The following ARMH3 variants were observed in gnomAD, a reference collection of about 807,000 sequenced individuals.
ARMH3 encodes the protein armadillo like helical domain containing 3.
In ARMH3, 60 loss-of-function variants were observed where a neutral mutation model predicts 99.1. The ratio of observed to expected loss-of-function variants is 0.61; its 90% CI spans 0.49 to 0.75. The LOEUF (loss-of-function observed/expected upper bound fraction) is 0.75, where lower values mean the gene tolerates loss of function less well. Ranked by LOEUF, ARMH3 falls within the 30% of genes least tolerant of loss-of-function variation. ARMH3 has a pLI of 0.00. For missense variants in ARMH3, 679 were observed against 843.1 expected, an observed-to-expected ratio of 0.81 and a Z score of 2.41; for synonymous variants, 285 against 292.8, an observed-to-expected ratio of 0.97 and a Z score of 0.27.
At chr10:101,857,055 AAAG>A (rs564259631) in intron 24 of ARMH3, among the ~76,000 whole-genome samples, 144 of 152,300 alleles carry the variant, frequency 9.5e-4, no homozygotes, top group African/African-American at 3.4e-3. Context: ...CAGAAAAAAA[AAAG>A]AAGGACTGAA....
At position 101,849,860 on chromosome 10, in the gene ARMH3, C is replaced by G. The variant is rs776445122; in HGVS notation, c.1893G>C (p.Thr631=). 8.1e-6 allele frequency: 13 copies of G among 1,613,980 alleles called. No homozygotes were observed. In the Admixed American group the frequency reaches 1.7e-4, roughly 21 times the overall value. ...GGCCATCCTGCAGCTTCAGCGTGAG[C>G]GTGTCATAGTTGGCTCTCACCACCT... ...VLEVVRANYD[T]LTLKLQDGLD... The change falls in exon 25 of 26, where the codon ACG becomes ACC. Residue 631 remains threonine (T), a synonymous_variant. Transcript: ENST00000370033.
chr10:102,021,549 A>ATT (rs879374407), intron 8 of ARMH3, among the ~76,000 whole-genome samples: 9 of 141,138 alleles, frequency 6.4e-5, no homozygotes, highest in East Asian at 6.2e-4. Context: ...CAACCAGCTA[A>ATT]TTTTTTTTTT....
In ARMH3 at chr10:101,889,431, G is replaced by C. The variant is rs1489112922; in HGVS notation, c.1841C>G (p.Ser614Cys). The change falls in exon 24 of 26, where the codon TCC becomes TGC. Residue 614 changes from serine (S) to cysteine (C), a missense_variant. Ser to Cys is a moderately radical substitution (Grantham distance 112). This residue lies in a region of ARMH3 where 389 missense variants were observed against 456.5 expected (regional missense o/e 0.85). Coordinates refer to ENST00000370033, the MANE Select transcript of ARMH3 (RefSeq NM_024541.3). ...GCTTACCTGCTCCTCTGACAGTTGGGATATGTGATTCACAGCAGCGTAGGA... is the reference window on the plus strand; with the variant it reads ...GCTTACCTGCTCCTCTGACAGTTGGCATATGTGATTCACAGCAGCGTAGGA... ...IESYAAVNHISQLSEEQVLEV... is the reference protein window; with the variant it reads ...IESYAAVNHICQLSEEQVLEV... The C allele has an allele frequency of 1.2e-6, 2 of 1,613,750 alleles. No homozygotes were observed. The highest frequency in any genetic ancestry group is 1.6e-4 in the Middle Eastern group (1 of 6,082).
intron 20 of ARMH3, among the ~76,000 whole-genome samples, chr10:101,962,175 G>T (rs149699676): frequency 1.3e-5 from 2 of 152,206 alleles, no homozygotes; most frequent in Non-Finnish European, 2.9e-5. Context: ...ATAGCTTGTC[G>T]CAGAGAATAT....
intron 1 of ARMH3, among the ~76,000 whole-genome samples, chr10:102,041,099 A>ATATATATATATATAATATATATATATT (rs1564878621): frequency 1.4e-5 from 2 of 146,072 alleles, no homozygotes; most frequent in Non-Finnish European, 3.0e-5. Context: ...TAATATATAT[A>ATATATATATATATAATATATATATATT]TATATATATA....
chr10:102,002,960 C>CAAATAAATAAATAAAT (rs72287750), intron 14 of ARMH3, among the ~76,000 whole-genome samples: 48 of 136,098 alleles, frequency 3.5e-4, no homozygotes, highest in African/African-American at 8.2e-4. Context: ...GACTCTGTCA[C>CAAATAAATAAATAAAT]AAATAAATAA....
chr10:101,954,083 T>C (rs1292354330), intron 22 of ARMH3, among the ~76,000 whole-genome samples: 2 of 152,168 alleles, frequency 1.3e-5, no homozygotes, highest in African/African-American at 4.8e-5. Flanking sequence ...TCCCAGCTAC[T>C]TTGGAGGCTA....
At chr10:101,986,622 C>T (rs1041516030) in intron 19 of ARMH3, among the ~76,000 whole-genome samples, 2 of 152,108 alleles carry the variant, frequency 1.3e-5, no homozygotes, top group Non-Finnish European at 2.9e-5. Context: ...TCTGAAATGG[C>T]AGAAATTCAT....
At chr10:101,957,109 T>C (rs1042900604) in intron 21 of ARMH3, among the ~76,000 whole-genome samples, 3 of 152,204 alleles carry the variant, frequency 2.0e-5, no homozygotes, top group African/African-American at 7.2e-5. Flanking sequence ...AAATTGGCCA[T>C]GGTGGGTGTA....
At chr10:101,854,882 C>A (rs1205795666) in intron 24 of ARMH3, among the ~76,000 whole-genome samples, 1 of 151,030 alleles carries the variant, frequency 6.6e-6, no homozygotes, top group Non-Finnish European at 1.5e-5. Context: ...ATGCCTGGCA[C>A]ATAATCAATA....
At chr10:101,997,275 C>T (rs1267912077) in intron 15 of ARMH3, among the ~76,000 whole-genome samples, 3 of 149,376 alleles carry the variant, frequency 2.0e-5, no homozygotes, top group Non-Finnish European at 4.5e-5. Flanking sequence ...CTCAAACAAA[C>T]AAACAAAACC....
intron 23 of ARMH3, among the ~76,000 whole-genome samples, chr10:101,900,846 A>G (rs1213041017): frequency 6.6e-6 from 1 of 152,068 alleles, no homozygotes; most frequent in Non-Finnish European, 1.5e-5. Context: ...ATTAGCCAGC[A>G]TAATGTGCAC....
intron 20 of ARMH3, among the ~76,000 whole-genome samples, chr10:101,973,394 C>T (rs1845857585): frequency 6.6e-6 from 1 of 151,048 alleles, no homozygotes; most frequent in South Asian, 2.1e-4. Flanking sequence ...AAGATAATCG[C>T]TTGTTTAAGC....
chr10:102,051,165 A>G, intron 1 of ARMH3, among the ~76,000 whole-genome samples: 1 of 151,264 alleles, frequency 6.6e-6, no homozygotes, highest in Non-Finnish European at 1.5e-5. Flanking sequence ...CTCAAAAAAA[A>G]AAAAAAAAAG....
At chr10:101,985,188 ATG>A (rs748529760) in intron 19 of ARMH3, among the ~76,000 whole-genome samples, 111 of 147,226 alleles carry the variant, frequency 7.5e-4, no homozygotes, top group Middle Eastern at 3.6e-3. Flanking sequence ...ATGAATATAT[ATG>A]TGTGTATATA....
chr10:101,851,512 T>A (rs144607865), intron 24 of ARMH3, among the ~76,000 whole-genome samples: 1 of 150,756 alleles, frequency 6.6e-6, no homozygotes, highest in Non-Finnish European at 1.5e-5. Context: ...CAGAAGGGGG[T>A]TGGGGGTTGG....
chr10:101,902,582 C>G (rs2068007368), intron 23 of ARMH3, among the ~76,000 whole-genome samples: 1 of 152,036 alleles, frequency 6.6e-6, no homozygotes, highest in Admixed American at 6.5e-5. Flanking sequence ...CACTTCTCTT[C>G]AGGTCTAGAA....
rs75350402 is a variant in ARMH3, at chr10:102,031,654, A to G, written c.306+1372T>C. Among the ~76,000 whole-genome samples, 683 of 152,358 alleles carry G rather than the reference A, an allele frequency of 4.5e-3. 17 individuals are homozygous for G. In the East Asian group the frequency reaches 0.082, roughly 18 times the overall value. Reference sequence around the variant, plus strand: ...ACAGATGAGAAAACTGGGGCTCACAAAGTGATCTGCCTAACTAGTATGTTA... The same window carrying G: ...ACAGATGAGAAAACTGGGGCTCACAGAGTGATCTGCCTAACTAGTATGTTA... On this transcript the variant is annotated intron_variant, in intron 4 of 25. Transcript: ENST00000370033.
Position 102,006,676 on chromosome 10 carries a change from T to G in ARMH3, c.955-43A>C, listed in dbSNP as rs1014778637. ...ATGTGTAAGAAAACAGAAAATCCAG[T>G]TCTCCCTGAGTATCAAGTGCCTAAT... On this transcript the variant is annotated intron_variant, in intron 13 of 25. Transcript: ENST00000370033. 3.2e-6 allele frequency: 5 copies of G among 1,581,226 alleles called. No homozygotes were observed. The East Asian group carries it at 9.0e-5, about 28-fold the overall frequency.
Sources: allele counts gnomAD v4.1 joint callset (sites outside exome capture counted in the v4.1 genomes callset), GRCh38; gene constraint gnomAD v4.1.1; regional missense constraint gnomAD v4.1.1; transcripts MANE v1.5; gene names NCBI Gene and HGNC (gene_info 2026-07-23, HGNC 2026-07-21).